PIGU: variants seen among roughly 807,000 people sequenced by gnomAD.
PIGU encodes the protein phosphatidylinositol glycan anchor biosynthesis class U, also known as GPI-anchor transamidase component PIGU.
A neutral mutation model predicts 49.9 loss-of-function variants in PIGU; 24 were observed. The observed-to-expected ratio is 0.48, with a 90% CI of 0.35 to 0.68. The LOEUF is 0.68. PIGU is among the 30% of genes least tolerant of loss of function. PIGU has a pLI of 0.01. For missense variants in PIGU, 490 were observed against 532.6 expected, an observed-to-expected ratio of 0.92 and a Z score of 0.79; for synonymous variants, 220 against 205.7, an observed-to-expected ratio of 1.07 and a Z score of -0.59.
intron 3 of PIGU, among the ~76,000 whole-genome samples, chr20:34,644,769 A>C (rs1036554191): frequency 1.3e-5 from 2 of 152,168 alleles, no homozygotes; most frequent in Non-Finnish European, 2.9e-5. Flanking sequence ...GACTCACAGA[A>C]TCTCTTGGCA....
chr20:34,672,534 T>G (rs934740545), intron 1 of PIGU, among the ~76,000 whole-genome samples: 3 of 152,120 alleles, frequency 2.0e-5, no homozygotes, highest in Middle Eastern at 3.4e-3. Flanking sequence ...TGTGACTTAA[T>G]TCCAGAGCTT....
intron 1 of PIGU, among the ~76,000 whole-genome samples, chr20:34,660,048 T>TAAGAAAAAAAAAAA (rs1986882571): frequency 2.4e-5 from 1 of 41,456 alleles, no homozygotes; most frequent in African/African-American, 7.6e-5. Context: ...GAATGATCAA[T>TAAGAAAAAAAAAAA]AAAAAAAAAA....
At chr20:34,573,126 C>CA (rs1983082168) in intron 11 of PIGU, among the ~76,000 whole-genome samples, 2 of 152,180 alleles carry the variant, frequency 1.3e-5, no homozygotes, top group South Asian at 4.1e-4. Flanking sequence ...GCTGGGATCA[C>CA]ATGCATGAGC....
chr20:34,613,610 T>C (rs1984901354), intron 7 of PIGU, among the ~76,000 whole-genome samples: 1 of 152,224 alleles, frequency 6.6e-6, no homozygotes, highest in African/African-American at 2.4e-5. Flanking sequence ...ATTTATTTGA[T>C]ACATAGTTGT....
chr20:34,673,352 G>A (rs1987376107), intron 1 of PIGU, among the ~76,000 whole-genome samples: 1 of 151,752 alleles, frequency 6.6e-6, no homozygotes, highest in Non-Finnish European at 1.5e-5. Flanking sequence ...TATATAATCA[G>A]CTGCTTTAAA....
chr20:34,659,652 C>T lies in PIGU; in HGVS notation c.131-2408G>A, dbSNP rs1276516835. Among the ~76,000 whole-genome samples, 9 of 152,218 alleles carry T rather than the reference C, an allele frequency of 5.9e-5. No homozygotes were observed. The East Asian group carries it at 7.7e-4, about 13-fold the overall frequency. On this transcript the variant is annotated intron_variant, in intron 1 of 11. Transcript: ENST00000217446. ...AAAGATTGAGAAATCGGATGGTGGC[C>T]GTGTCTGTATAGAAAGAAGTAGACA...
intron 1 of PIGU, among the ~76,000 whole-genome samples, chr20:34,667,320 G>A (rs766643811): frequency 1.1e-4 from 17 of 152,132 alleles, no homozygotes; most frequent in Non-Finnish European, 2.1e-4. Flanking sequence ...CACTCCAGCT[G>A]CAATGAACAC....
chr20:34,583,353 C>A (rs1006385920), intron 9 of PIGU, among the ~76,000 whole-genome samples: 3 of 152,232 alleles, frequency 2.0e-5, no homozygotes, highest in African/African-American at 7.2e-5. Context: ...CAGCCTCCTG[C>A]AGCACTGCAC....
At chr20:34,614,031 C>T (rs1984915116) in intron 7 of PIGU, among the ~76,000 whole-genome samples, 1 of 152,170 alleles carries the variant, frequency 6.6e-6, no homozygotes, top group African/African-American at 2.4e-5. Flanking sequence ...CACAGTGGCT[C>T]ACACCTGTAA....
At chr20:34,573,467 T>C (rs1366128073) in intron 11 of PIGU, among the ~76,000 whole-genome samples, 1 of 152,108 alleles carries the variant, frequency 6.6e-6, no homozygotes, top group Non-Finnish European at 1.5e-5. Flanking sequence ...AGAAGAAAGC[T>C]GTTATCTGGC....
chr20:34,591,414 T>C (rs1196008860), intron 7 of PIGU, among the ~76,000 whole-genome samples: 1 of 152,166 alleles, frequency 6.6e-6, no homozygotes, highest in Non-Finnish European at 1.5e-5. Flanking sequence ...CATAAGATCT[T>C]ACAAATCATA....
chr20:34,658,750 C>T (rs1412417788), intron 1 of PIGU, among the ~76,000 whole-genome samples: 5 of 150,482 alleles, frequency 3.3e-5, no homozygotes, highest in South Asian at 2.1e-4. Context: ...GGAGCCCCTC[C>T]GCCCGGCAGC....
chr20:34,600,490 T>C (rs1384904507), intron 7 of PIGU, among the ~76,000 whole-genome samples: 1 of 151,808 alleles, frequency 6.6e-6, no homozygotes, highest in Non-Finnish European at 1.5e-5. Context: ...ATAAATTCAA[T>C]GAAGAAAGTA....
intron 1 of PIGU, among the ~76,000 whole-genome samples, chr20:34,663,551 A>T (rs1186362135): frequency 6.6e-6 from 1 of 152,130 alleles, no homozygotes; most frequent in Non-Finnish European, 1.5e-5. Flanking sequence ...TATAATTATG[A>T]CTTTAAACTT....
In PIGU at chr20:34,653,880, C is replaced by T. The variant is rs573666025; in HGVS notation, c.195+3300G>A. Among the ~76,000 whole-genome samples, 421 of 150,312 alleles carry T rather than the reference C, an allele frequency of 2.8e-3. 1 individual carries two copies. Among genetic ancestry groups the T allele is most frequent in the African/African-American group, 9.7e-3 (399 of 40,952 alleles). ...ACACCTTTCTTTTTTTTTTTTGAGA[C>T]GGAGTCTCGCTCTGTCACCCAGGCT... On this transcript the variant is annotated intron_variant, in intron 2 of 11. Coordinates refer to ENST00000217446, the MANE Select transcript of PIGU (RefSeq NM_080476.5).
intron 6 of PIGU, among the ~76,000 whole-genome samples, chr20:34,628,394 T>C (rs1247836616): frequency 6.6e-6 from 1 of 152,134 alleles, no homozygotes; most frequent in Non-Finnish European, 1.5e-5. Flanking sequence ...TTCTAGGACA[T>C]TATAAGAAAA....
At chr20:34,653,249 G>A (rs985346592) in intron 2 of PIGU, among the ~76,000 whole-genome samples, 3 of 152,150 alleles carry the variant, frequency 2.0e-5, no homozygotes, top group African/African-American at 7.2e-5. Flanking sequence ...GATTACAGGC[G>A]TGAGCCACCA....
At chr20:34,639,508 A>G (rs1244490163) in intron 4 of PIGU, among the ~76,000 whole-genome samples, 2 of 152,154 alleles carry the variant, frequency 1.3e-5, no homozygotes, top group Non-Finnish European at 2.9e-5. Flanking sequence ...GGTACTGGGT[A>G]GGAGGAGAAA....
At chr20:34,633,636 C>T (rs1055732365) in intron 6 of PIGU, among the ~76,000 whole-genome samples, 9 of 151,018 alleles carry the variant, frequency 6.0e-5, no homozygotes, top group Non-Finnish European at 1.2e-4. Flanking sequence ...GGCGAGATCT[C>T]GGCTCACTGC....
Sources: gnomAD v4.1 joint callset for allele counts (sites outside exome capture counted in the v4.1 genomes callset) on GRCh38, gnomAD v4.1.1 for gene constraint, MANE v1.5 for transcripts, NCBI Gene and HGNC (gene_info 2026-07-23, HGNC 2026-07-21) for gene names.